RANBP2: variants seen among roughly 807,000 people sequenced by gnomAD.
RANBP2 encodes E3 SUMO-protein ligase RanBP2.
In RANBP2, 57 loss-of-function variants were observed where a neutral mutation model predicts 303.6. The ratio of observed to expected loss-of-function variants is 0.19; its 90% CI spans 0.15 to 0.23. RANBP2 has a LOEUF of 0.23. Among genes scored for constraint, RANBP2 ranks in the 10% least tolerant of loss-of-function variants. The pLI is 1.00. For missense variants in RANBP2, 3,138 were observed against 3,780.8 expected, an observed-to-expected ratio of 0.83 and a Z score of 4.46; for synonymous variants, 1,167 against 1,301.5, an observed-to-expected ratio of 0.90 and a Z score of 2.23.
At chr2:109,639,993 G>A in the RANBP2 span, among the ~76,000 whole-genome samples, 1 of 151,706 alleles carries the variant, frequency 6.6e-6, no homozygotes, top group Admixed American at 6.6e-5. Flanking sequence ...TTACAGGCAT[G>A]AGCCACTGCG....
chr2:108,757,016 C>T (rs1676370561), intron 17 of RANBP2, among the ~76,000 whole-genome samples: 1 of 152,104 alleles, frequency 6.6e-6, no homozygotes, highest in Non-Finnish European at 1.5e-5. Flanking sequence ...TTTTGGACCT[C>T]ATGGTTAGGT....
chr2:108,821,074 G>A, the RANBP2 span, among the ~76,000 whole-genome samples: 1 of 152,106 alleles, frequency 6.6e-6, no homozygotes, highest in South Asian at 2.1e-4. Context: ...GATATAATTT[G>A]TGGCCGGGTG....
chr2:109,127,136 T>C, the RANBP2 span, among the ~76,000 whole-genome samples: 1 of 152,178 alleles, frequency 6.6e-6, no homozygotes, highest in South Asian at 2.1e-4. Flanking sequence ...CAGATGGAAA[T>C]CCACATTGCT....
chr2:108,799,239 A>G, the RANBP2 span, among the ~76,000 whole-genome samples: 8 of 152,194 alleles, frequency 5.3e-5, no homozygotes, highest in African/African-American at 1.7e-4. Flanking sequence ...TATGTAGACA[A>G]AATATTTTTG....
At chr2:109,595,949 G>A in the RANBP2 span, among the ~76,000 whole-genome samples, 2 of 152,220 alleles carry the variant, frequency 1.3e-5, no homozygotes, top group African/African-American at 4.8e-5. Context: ...CTCAGCATCT[G>A]TGTCTACTAT....
chr2:109,601,190 G>C, the RANBP2 span, among the ~76,000 whole-genome samples: 1 of 152,182 alleles, frequency 6.6e-6, no homozygotes, highest in South Asian at 2.1e-4. Flanking sequence ...GGATGAAACT[G>C]AAAGTCCCAA....
the RANBP2 span, among the ~76,000 whole-genome samples, chr2:109,275,144 C>A: frequency 1.1e-4 from 16 of 152,080 alleles, no homozygotes; most frequent in Non-Finnish European, 2.4e-4. Context: ...ACAGCAAGAG[C>A]CTGAGGTTGA....
the RANBP2 span, among the ~76,000 whole-genome samples, chr2:109,337,938 C>T: frequency 1.3e-5 from 2 of 151,918 alleles, no homozygotes; most frequent in East Asian, 1.9e-4. Flanking sequence ...TGCCACGTTA[C>T]CCCGGCTGGT....
chr2:109,392,368 CTT>C, the RANBP2 span, among the ~76,000 whole-genome samples: 7 of 152,172 alleles, frequency 4.6e-5, no homozygotes, highest in African/African-American at 1.7e-4. Context: ...GAACAGGTCA[CTT>C]AACCTCTCTG....
the RANBP2 span, chr2:109,665,079 C>G: frequency 2.0e-5 from 3 of 152,004 alleles, no homozygotes; most frequent in Non-Finnish European, 2.9e-5. Context: ...TATCAAAAAA[C>G]CTTTATGGAA....
At chr2:109,070,233 G>C in the RANBP2 span, among the ~76,000 whole-genome samples, 1 of 152,228 alleles carries the variant, frequency 6.6e-6, no homozygotes, top group African/African-American at 2.4e-5. Context: ...ACCCTCTGGA[G>C]CATTGATGAC....
chr2:108,803,769 CAGTT>C, the RANBP2 span, among the ~76,000 whole-genome samples: 1 of 152,118 alleles, frequency 6.6e-6, no homozygotes, highest in East Asian at 1.9e-4. Context: ...TCACAGTTGT[CAGTT>C]AGTTGTTTTA....
chr2:109,481,037 T>C, the RANBP2 span, among the ~76,000 whole-genome samples: 1 of 152,024 alleles, frequency 6.6e-6, no homozygotes, highest in Non-Finnish European at 1.5e-5. Context: ...AGGACACCGA[T>C]AGGGAAACAG....
At chr2:108,982,236 G>A in the RANBP2 span, among the ~76,000 whole-genome samples, 4 of 152,144 alleles carry the variant, frequency 2.6e-5, no homozygotes, top group Admixed American at 6.5e-5. Context: ...AATGTTCCAG[G>A]GTAAACAGGA....
the RANBP2 span, among the ~76,000 whole-genome samples, chr2:109,068,692 C>T: frequency 3.3e-5 from 5 of 152,216 alleles, no homozygotes; most frequent in East Asian, 9.6e-4. Flanking sequence ...TGTCTGAGCC[C>T]CAGGTTGGCC....
chr2:109,119,793 T>C, the RANBP2 span, among the ~76,000 whole-genome samples: 6 of 152,324 alleles, frequency 3.9e-5, no homozygotes, highest in South Asian at 6.2e-4. Flanking sequence ...GAAAAAGATT[T>C]TGAAATATTT....
At chr2:109,414,507 G>A in the RANBP2 span, among the ~76,000 whole-genome samples, 2 of 152,164 alleles carry the variant, frequency 1.3e-5, no homozygotes, top group Non-Finnish European at 2.9e-5. Flanking sequence ...GACACGAGGA[G>A]CAATCAGAGG....
In RANBP2 at chr2:108,773,894, A is replaced by G. The variant is rs138210273; in HGVS notation, c.8292+848A>G. Among the ~76,000 whole-genome samples, 1,435 of 152,098 alleles carry G rather than the reference A, an allele frequency of 9.4e-3. 16 individuals are homozygous for G. Among genetic ancestry groups the G allele is most frequent in the Non-Finnish European group, 0.012 (783 of 67,966 alleles). ...AATCTCTTGACCTCGTGATCCACCC[A>G]CCTTGGCCTCCCAAAGTGCTGGGAT... On this transcript the variant is annotated intron_variant, in intron 23 of 28. Transcript: ENST00000283195.
At chr2:109,595,441 C>T in the RANBP2 span, among the ~76,000 whole-genome samples, 1 of 152,134 alleles carries the variant, frequency 6.6e-6, no homozygotes, top group African/African-American at 2.4e-5. Flanking sequence ...CTGAAAGGCC[C>T]CCCAGTCCCA....
Sources: gnomAD v4.1 joint callset for allele counts (sites outside exome capture counted in the v4.1 genomes callset) on GRCh38, gnomAD v4.1.1 for gene constraint, MANE v1.5 for transcripts, NCBI Gene and HGNC (gene_info 2026-07-23, HGNC 2026-07-21) for gene names.